The following SETX variants were observed in gnomAD, a reference collection of about 807,000 sequenced individuals.
SETX encodes senataxin.
A neutral mutation model predicts 227.2 loss-of-function variants in SETX; 90 were observed. The ratio of observed to expected loss-of-function variants is 0.40; its 90% confidence interval spans 0.33 to 0.47. SETX has a LOEUF of 0.47. Ranked by LOEUF, SETX falls within the 20% of genes least tolerant of loss-of-function variation. The pLI, the probability that SETX is intolerant of heterozygous loss-of-function variation, is 0.91. For synonymous variants in SETX, 1,210 were observed against 1,113.2 expected, an observed-to-expected ratio of 1.09 and a Z score of -1.73; for missense variants, 3,052 against 3,181.5, an observed-to-expected ratio of 0.96 and a Z score of 0.98.
At chr9:132,337,377 A>C (rs1350327432) in intron 5 of SETX, among the ~76,000 whole-genome samples, 3 of 152,036 alleles carry the variant, frequency 2.0e-5, no homozygotes, top group Admixed American at 2.0e-4. Context: ...AATAGCATAA[A>C]GAAGTGATTT....
chr9:132,345,465 G>A (rs973111516), intron 4 of SETX, among the ~76,000 whole-genome samples: 2 of 152,048 alleles, frequency 1.3e-5, no homozygotes, highest in Non-Finnish European at 2.9e-5. Flanking sequence ...GTAGAGACAG[G>A]GTTTCACTAT....
intron 2 of SETX, among the ~76,000 whole-genome samples, 176 bp downstream of exon 2, chr9:132,353,473 G>C (rs1036779652): frequency 6.6e-6 from 1 of 152,026 alleles, no homozygotes; most frequent in African/African-American, 2.4e-5. Context: ...AGAACAACCA[G>C]TGTGCAAGCT....
chr9:132,268,171 T>A (rs1842734769), intron 25 of SETX, among the ~76,000 whole-genome samples: 1 of 152,152 alleles, frequency 6.6e-6, no homozygotes, highest in South Asian at 2.1e-4. Flanking sequence ...CAAACCTACA[T>A]TTTGAGATAA....
chr9:132,264,314 G>A lies in SETX; in HGVS notation c.7959C>T (p.Thr2653=). Residue 2653 remains threonine, a synonymous_variant, in exon 26 of 26, where the codon ACC becomes ACT. Transcript: ENST00000224140. ...TCTTGTCCCACCTAGAGTTCCTCCT[G>A]GTGTGATGGGTCTCGGAACCACACT... The part of the protein sequence containing the change: ...QEKCGSETHH[T]RRNSRWDKRT... The A allele has an allele frequency of 6.2e-7, 1 of 1,614,076 alleles. No homozygotes were observed. Among genetic ancestry groups the A allele is most frequent in the Non-Finnish European group, 8.5e-7 (1 of 1,179,986 alleles).
intron 13 of SETX, among the ~76,000 whole-genome samples, chr9:132,297,477 T>G (rs1169506972): frequency 6.6e-6 from 1 of 152,186 alleles, no homozygotes; most frequent in African/African-American, 2.4e-5. Flanking sequence ...GGAAAAAGCA[T>G]GTATGCCAGG....
intron 18 of SETX, among the ~76,000 whole-genome samples, chr9:132,286,183 A>AAAC (rs1843875651): frequency 7.5e-6 from 1 of 133,928 alleles, no homozygotes; most frequent in Non-Finnish European, 1.6e-5. Flanking sequence ...CTTCACCTCA[A>AAAC]AAAAAAAAAA....
At chr9:132,307,258 AAATAAT>A (rs975502186) in intron 11 of SETX, among the ~76,000 whole-genome samples, 4 of 152,052 alleles carry the variant, frequency 2.6e-5, no homozygotes, top group East Asian at 1.9e-4. Context: ...TGTCTCAAAA[AAATAAT>A]AATAATAATA....
intron 19 of SETX, among the ~76,000 whole-genome samples, chr9:132,282,083 A>C: frequency 1.3e-5 from 2 of 150,206 alleles, no homozygotes. Context: ...TAAAAAGTAA[A>C]CTCTCCAAAC....
Position 132,283,258 on chromosome 9 carries a change from A to G in SETX, c.6546+6T>C. The G allele has an allele frequency of 6.2e-7, 1 of 1,614,134 alleles. No individual in the cohort carries two copies. Among genetic ancestry groups the G allele is most frequent in the Non-Finnish European group, 8.5e-7 (1 of 1,180,032 alleles). ...GTCAAAGTTGTATGGCTGACCGTTC[A>G]CTGACCTCATCAACAATGACACAGC... On this transcript the variant is annotated splice_donor_region_variant and intron_variant, in intron 19 of 25. Coordinates refer to ENST00000224140, the MANE Select transcript of SETX (RefSeq NM_015046.7).
At chr9:132,300,535 G>T in intron 12 of SETX, 95 bp downstream of exon 12, 1 of 1,346,562 alleles carries the variant, frequency 7.4e-7, no homozygotes, top group Non-Finnish European at 1.1e-6. Context: ...TTCGGTAAAT[G>T]TCTATCAAAT....
At chr9:132,265,908 T>C (rs774655489) in intron 25 of SETX, among the ~76,000 whole-genome samples, 9 of 152,146 alleles carry the variant, frequency 5.9e-5, no homozygotes, top group Non-Finnish European at 8.8e-5. Context: ...AAACCCCGAA[T>C]GGCTAAAACA....
intron 5 of SETX, among the ~76,000 whole-genome samples, chr9:132,342,468 GTCTTT>G (rs1473971056): frequency 6.6e-6 from 1 of 152,152 alleles, no homozygotes; most frequent in African/African-American, 2.4e-5. Context: ...ATTCCCGTTT[GTCTTT>G]TAAGATCAAG....
intron 5 of SETX, among the ~76,000 whole-genome samples, chr9:132,341,746 G>T (rs1847982441): frequency 6.6e-6 from 1 of 152,156 alleles, no homozygotes; most frequent in Non-Finnish European, 1.5e-5. Context: ...TGTTTGGAGT[G>T]CAGAGTTTGG....
At chr9:132,333,172 A>G (rs917146364) in intron 7 of SETX, among the ~76,000 whole-genome samples, 1 of 151,386 alleles carries the variant, frequency 6.6e-6, no homozygotes, top group East Asian at 1.9e-4. Context: ...TGAGACCAGG[A>G]GTTCAAGACC....
At chr9:132,348,528 C>T (rs1204725774) in intron 3 of SETX, among the ~76,000 whole-genome samples, 1 of 152,096 alleles carries the variant, frequency 6.6e-6, no homozygotes, top group Non-Finnish European at 1.5e-5. Context: ...TGACTAAAAG[C>T]AACAGATCAT....
chr9:132,286,033 A>C (rs551769477), intron 18 of SETX, among the ~76,000 whole-genome samples: 2 of 142,114 alleles, frequency 1.4e-5, no homozygotes, highest in East Asian at 2.1e-4. Context: ...CAATGCAAAA[A>C]TTAGCTGGGC....
At chr9:132,342,209 C>T (rs1848017869) in intron 5 of SETX, among the ~76,000 whole-genome samples, 1 of 152,178 alleles carries the variant, frequency 6.6e-6, no homozygotes, top group African/African-American at 2.4e-5. Context: ...AGGGCTATGT[C>T]AGGTTTCAAT....
intron 11 of SETX, among the ~76,000 whole-genome samples, chr9:132,310,015 A>G (rs1030255080): frequency 6.6e-6 from 1 of 152,232 alleles, no homozygotes; most frequent in African/African-American, 2.4e-5. Flanking sequence ...AAGAGTCAGT[A>G]TGTAAGTCAA....
chr9:132,327,570 A>G lies in SETX; in HGVS notation c.4028T>C (p.Leu1343Pro). ...TTGCATCTGAAGTTCTTGACTAGTC[A>G]GAAGTTTCTTATTATTTCTGACAGA... ...NLSVRNNKKLLTSQELQMQRQ... is the reference protein window; with the variant it reads ...NLSVRNNKKLPTSQELQMQRQ... The change falls in exon 10 of 26, where the codon CTG becomes CCG. Residue 1343 changes from leucine to proline, a missense_variant. By Grantham distance (98) the Leu-to-Pro change is moderately conservative. Coordinates refer to ENST00000224140, the MANE Select transcript of SETX (RefSeq NM_015046.7). The G allele has an allele frequency of 1.2e-6, 2 of 1,614,118 alleles. 1 individual carries two copies. Among genetic ancestry groups the G allele is most frequent in the South Asian group, 2.2e-5 (2 of 91,078 alleles).
Sources: gnomAD v4.1 joint callset for allele counts (sites outside exome capture counted in the v4.1 genomes callset) on GRCh38, gnomAD v4.1.1 for gene constraint, MANE v1.5 for transcripts, NCBI Gene and HGNC (gene_info 2026-07-23, HGNC 2026-07-21) for gene names.